Variants in ENDOU observed in about 807,000 individuals in gnomAD.
The protein encoded by ENDOU is endonuclease, poly(U) specific.
A neutral mutation model predicts 54.2 loss-of-function variants in ENDOU; 49 were observed. The observed-to-expected ratio is 0.90, with a 90% confidence interval of 0.72 to 1.15. The LOEUF (loss-of-function observed/expected upper bound fraction) is 1.15. ENDOU is among the 50% of genes most tolerant of loss of function. The pLI is 0.00. For missense variants in ENDOU, 458 were observed against 511.4 expected, an observed-to-expected ratio of 0.90 and a Z score of 1.01; for synonymous variants, 172 against 190.5, an observed-to-expected ratio of 0.90 and a Z score of 0.80.
In ENDOU at chr12:47,720,888, A is replaced by G. The variant is rs1940412903; in HGVS notation, c.56-13T>C. ...GATTCTATTTTTCCTATGGGCAGTAAAGGTCACCAACTCAGCTCTATGGAG... is the reference window on the plus strand; with the variant it reads ...GATTCTATTTTTCCTATGGGCAGTAGAGGTCACCAACTCAGCTCTATGGAG... On this transcript the variant is annotated splice_polypyrimidine_tract_variant and intron_variant, in intron 1 of 9. Transcript: ENST00000422538. 2 of 1,535,812 alleles carry G rather than the reference A, an allele frequency of 1.3e-6. No homozygotes were observed. Among genetic ancestry groups the G allele is most frequent in the African/African-American group, 2.7e-5 (2 of 73,016 alleles).
Position 47,724,382 on chromosome 12 carries a change from T to C in ENDOU, c.55+977A>G, listed in dbSNP as rs185293850. On this transcript the variant is annotated intron_variant, in intron 1 of 9. Transcript: ENST00000422538. ...CTTCCAGGGGTTTTCCACTTAGAAATCCCATAAGGGTCTCCTTTCCACAAC... is the reference window on the plus strand; with the variant it reads ...CTTCCAGGGGTTTTCCACTTAGAAACCCCATAAGGGTCTCCTTTCCACAAC... Among the ~76,000 whole-genome samples the C allele has an allele frequency of 2.7e-4, 41 of 152,268 alleles. No homozygotes were observed. The East Asian group carries it at 6.9e-3, about 26-fold the overall frequency.
At chr12:47,717,786 A>G (rs917458119) in intron 3 of ENDOU, 131 bp from the exon 4 acceptor site, 1 of 958,924 alleles carries the variant, frequency 1.0e-6, no homozygotes, top group African/African-American at 1.6e-5. Flanking sequence ...GAAAACAAAC[A>G]AACCTAATTC....
intron 3 of ENDOU, 26 bp from the exon 4 acceptor site, chr12:47,717,681 C>T (rs769610276): frequency 2.5e-6 from 4 of 1,611,122 alleles, no homozygotes; most frequent in East Asian, 2.2e-5. Flanking sequence ...TGGTGTGTCC[C>T]GGGCTGACCT....
intron 4 of ENDOU, 173 bp downstream of exon 4, chr12:47,717,345 G>A (rs575792069): frequency 4.0e-6 from 3 of 743,728 alleles, no homozygotes; most frequent in Admixed American, 5.2e-5. Context: ...ACAGGACAGT[G>A]AGTCCCATCC....
Position 47,710,432 on chromosome 12 carries a change from A to C in ENDOU, c.*370T>G, listed in dbSNP as rs1939943870. ...CTCTCACCAACCCCAAAAAGAGGAA[A>C]GTGGGCAAACCCCTTCCCTTTACAT... On this transcript the variant is annotated 3_prime_UTR_variant, in exon 10 of 10. Coordinates refer to ENST00000422538, the MANE Select transcript of ENDOU (RefSeq NM_001172439.2). 6.3e-6 allele frequency: 1 copy of C among 159,736 alleles called. No homozygotes were observed. Among genetic ancestry groups the C allele is most frequent in the Non-Finnish European group, 1.4e-5 (1 of 73,062 alleles). The allele number at this position is 159,736 out of a possible 1,614,324, so 9.9% of individuals were successfully genotyped here. A position where few individuals can be genotyped will look rare whatever the true frequency, so the allele number is the denominator to read the frequency against.
chr12:47,716,241 C>T (rs1940226446), intron 6 of ENDOU, 59 bp downstream of exon 6: 1 of 1,568,708 alleles, frequency 6.4e-7, no homozygotes, highest in Admixed American at 1.7e-5. Flanking sequence ...CCCTCCCCCG[C>T]CCACCTGGCT....
intron 7 of ENDOU, among the ~76,000 whole-genome samples, chr12:47,712,918 G>T (rs563723678): frequency 3.3e-5 from 5 of 152,140 alleles, no homozygotes; most frequent in African/African-American, 9.7e-5. Flanking sequence ...GGTAGAATAG[G>T]GGGGAACAGA....
Position 47,718,208 on chromosome 12 carries a change from G to GA in ENDOU, c.179-15dup. ...CTTTGTGGTCCTCTGCAGGTAGATA[G>GA]AAAAATAAAGTCACCAACAACCTGA... is the stretch of plus-strand genomic sequence containing the variant. On this transcript the variant is annotated splice_polypyrimidine_tract_variant and intron_variant, in intron 2 of 9. Coordinates refer to ENST00000422538, the MANE Select transcript of ENDOU (RefSeq NM_001172439.2). 6.4e-7 allele frequency: 1 copy of GA among 1,566,492 alleles called. No individual in the cohort carries two copies. The highest frequency in any genetic ancestry group is 8.7e-7 in the Non-Finnish European group (1 of 1,153,220).
rs746913375 is a variant in ENDOU at position 47,710,792 on chromosome 12, C to T, written c.*10G>A. 12 of 1,599,184 alleles carry T rather than the reference C, an allele frequency of 7.5e-6. No individual in the cohort carries two copies. The highest frequency in any genetic ancestry group is 2.2e-5 in the East Asian group (1 of 44,794). On this transcript the variant is annotated 3_prime_UTR_variant, in exon 10 of 10. Transcript: ENST00000422538. ...AGAGCCCTCATGCCCCTTTCTGGCT[C>T]GAAGTTCTATTAGGTGGAAGACACT...
Position 47,718,109 on chromosome 12 carries a change from C to A in ENDOU, c.244+20G>T. On this transcript the variant is annotated intron_variant, in intron 3 of 9. Coordinates refer to ENST00000422538, the MANE Select transcript of ENDOU (RefSeq NM_001172439.2). ...CTCCTGCTTTATCTTGAGGGCCCCC[C>A]TTTGGGGAGGCAGGCTCACTGCTGG... 6.4e-7 allele frequency: 1 copy of A among 1,557,286 alleles called. No individual in the cohort carries two copies. Among genetic ancestry groups the A allele is most frequent in the East Asian group, 2.4e-5 (1 of 42,000 alleles).
Position 47,717,555 on chromosome 12 carries a change from G to T in ENDOU, c.345C>A (p.Asn115Lys). 6.2e-7 allele frequency: 1 copy of T among 1,614,204 alleles called. No individual in the cohort carries two copies. The highest frequency in any genetic ancestry group is 8.5e-7 in the Non-Finnish European group (1 of 1,180,026). ...ACAGGCTCTCAAAATCCTTGCAGCAGTTCCCAAACTCTTGGCAGCGGGCAT... is the reference window on the plus strand; with the variant it reads ...ACAGGCTCTCAAAATCCTTGCAGCATTTCCCAAACTCTTGGCAGCGGGCAT... ...HCNARCQEFG[N>K]CCKDFESLCS... Residue 115 changes from asparagine (N) to lysine (K), a missense_variant, in exon 4 of 10, where the codon AAC (asparagine) becomes AAA (lysine). Physicochemically the swap from Asn to Lys is moderately conservative, Grantham distance 94. Transcript: ENST00000422538.
intron 4 of ENDOU, among the ~76,000 whole-genome samples, chr12:47,717,304 TG>T (rs1940283327): frequency 6.6e-6 from 1 of 152,176 alleles, no homozygotes; most frequent in Non-Finnish European, 1.5e-5. Flanking sequence ...CGCTTGAGCA[TG>T]CATCAGAACC....
rs746518499 is a variant in ENDOU at position 47,711,816 on chromosome 12, A to T, written c.973-41T>A. The T allele has an allele frequency of 6.8e-6, 11 of 1,611,916 alleles. No individual in the cohort carries two copies. The Admixed American group carries it at 1.8e-4, about 27-fold the overall frequency. On this transcript the variant is annotated intron_variant, in intron 8 of 9. Transcript: ENST00000422538. ...CAGAAAAGGGGGTCTGGTGAGTGCCACAGAGTGGAGTAGAACGGGTGCCCA... is the reference window on the plus strand; with the variant it reads ...CAGAAAAGGGGGTCTGGTGAGTGCCTCAGAGTGGAGTAGAACGGGTGCCCA...
chr12:47,713,225 C>G, intron 7 of ENDOU, 50 bp downstream of exon 7: 1 of 1,303,690 alleles, frequency 7.7e-7, no homozygotes, highest in Non-Finnish European at 1.1e-6. Flanking sequence ...TGAGCAAAGC[C>G]ATTCCTCTTC....
intron 1 of ENDOU, among the ~76,000 whole-genome samples, chr12:47,722,386 T>C (rs1940459634): frequency 6.6e-6 from 1 of 152,202 alleles, no homozygotes; most frequent in South Asian, 2.1e-4. Context: ...TTGGGCAAGT[T>C]ATTTGAACTT....
intron 4 of ENDOU, 61 bp from the exon 5 acceptor site, chr12:47,717,119 ATT>A: frequency 6.7e-7 from 1 of 1,496,744 alleles, no homozygotes; most frequent in Non-Finnish European, 9.3e-7. Flanking sequence ...CGGGCAGGAA[ATT>A]ATCTGTGTAC....
intron 7 of ENDOU, among the ~76,000 whole-genome samples, chr12:47,712,919 G>A (rs1281483132): frequency 6.6e-6 from 1 of 152,146 alleles, no homozygotes; most frequent in Admixed American, 6.5e-5. Flanking sequence ...GTAGAATAGG[G>A]GGGAACAGAC....
At chr12:47,720,447 A>C in intron 2 of ENDOU, 1 of 237,512 alleles carries the variant, frequency 4.2e-6, no homozygotes, top group Non-Finnish European at 8.1e-6. Context: ...ACATACTAAA[A>C]TATTATTTTT....
chr12:47,713,186 TTAA>T, intron 7 of ENDOU, 86 bp downstream of exon 7: 1 of 896,912 alleles, frequency 1.1e-6, no homozygotes, highest in Non-Finnish European at 1.9e-6. Context: ...GGACTGCTGA[TTAA>T]TCCACACCCA....
Sources: allele counts gnomAD v4.1 joint callset (sites outside exome capture counted in the v4.1 genomes callset), GRCh38; gene constraint gnomAD v4.1.1; transcripts MANE v1.5; gene names NCBI Gene and HGNC (gene_info 2026-07-23, HGNC 2026-07-21).